The following POMGNT2 variants were observed in gnomAD, a reference collection of about 807,000 sequenced individuals.
POMGNT2 encodes protein O-linked mannose N-acetylglucosaminyltransferase 2 (beta 1,4-), also known as protein O-linked-mannose beta-1,4-N-acetylglucosaminyltransferase 2.
A neutral mutation model predicts 37.8 loss-of-function variants in POMGNT2; 32 were observed. The ratio of observed to expected loss-of-function variants is 0.85; its 90% CI spans 0.64 to 1.14. The LOEUF is 1.14. Among genes scored for constraint, POMGNT2 ranks in the 50% most tolerant of loss-of-function variants. The pLI, the probability that POMGNT2 is intolerant of heterozygous loss-of-function variation, is 0.00. For missense variants in POMGNT2, 705 were observed against 780.6 expected, an observed-to-expected ratio of 0.90 and a Z score of 1.15; for synonymous variants, 340 against 336.8, an observed-to-expected ratio of 1.01 and a Z score of -0.10.
intron 1 of POMGNT2, among the ~76,000 whole-genome samples, chr3:43,090,050 G>C (rs2089929799): frequency 6.6e-6 from 1 of 152,120 alleles, no homozygotes; most frequent in East Asian, 1.9e-4. Context: ...TCATCTCTAG[G>C]GGAGTGTCCC....
chr3:43,092,724 A>C (rs1181163589), intron 1 of POMGNT2, among the ~76,000 whole-genome samples: 1 of 152,232 alleles, frequency 6.6e-6, no homozygotes, highest in Non-Finnish European at 1.5e-5. Flanking sequence ...ACTGTGGAAG[A>C]TGGTGGAGTT....
chr3:43,085,157 T>C (rs1011830657), intron 1 of POMGNT2, among the ~76,000 whole-genome samples: 2 of 152,088 alleles, frequency 1.3e-5, no homozygotes, highest in Admixed American at 1.3e-4. Context: ...AATGACACCC[T>C]GGGGTGTGGA....
At chr3:43,091,343 G>C (rs2089941501) in intron 1 of POMGNT2, among the ~76,000 whole-genome samples, 1 of 151,998 alleles carries the variant, frequency 6.6e-6, no homozygotes, top group Non-Finnish European at 1.5e-5. Context: ...CTAAATCTTG[G>C]ATAATTTTAG....
At chr3:43,091,406 C>T (rs984779594) in intron 1 of POMGNT2, among the ~76,000 whole-genome samples, 7 of 152,048 alleles carry the variant, frequency 4.6e-5, no homozygotes, top group Non-Finnish European at 1.0e-4. Flanking sequence ...AATAAAATAT[C>T]CATGAGTCAA....
chr3:43,100,737 C>T (rs1043187836), intron 1 of POMGNT2, among the ~76,000 whole-genome samples: 12 of 152,148 alleles, frequency 7.9e-5, no homozygotes, highest in Non-Finnish European at 1.2e-4. Flanking sequence ...TAGTCCCTTC[C>T]GATCTGGGGT....
chr3:43,085,660 A>C (rs1241427381), intron 1 of POMGNT2, among the ~76,000 whole-genome samples: 1 of 152,140 alleles, frequency 6.6e-6, no homozygotes, highest in Non-Finnish European at 1.5e-5. Flanking sequence ...CTTTATCGGC[A>C]TGAAAACGGA....
In POMGNT2 at chr3:43,080,259, T is replaced by C. The variant is rs1183137342; in HGVS notation, c.1173A>G (p.Val391=). 1.9e-6 allele frequency: 3 copies of C among 1,614,174 alleles called. No homozygotes were observed. The highest frequency in any genetic ancestry group is 2.5e-6 in the Non-Finnish European group (3 of 1,180,018). Residue 391 remains valine, a synonymous_variant, in exon 2 of 2, where the codon GTA becomes GTG. Coordinates refer to ENST00000344697, the MANE Select transcript of POMGNT2 (RefSeq NM_032806.6). ...AMLPGMDLQY[V]AWRNMMPENT... is the part of the protein sequence containing the mutation. ...TCTCTGGCATCATGTTCCGCCAGGC[T>C]ACATACTGGAGGTCCATGCCAGGCA...
At chr3:43,086,994 C>G (rs1353875719) in intron 1 of POMGNT2, among the ~76,000 whole-genome samples, 2 of 152,078 alleles carry the variant, frequency 1.3e-5, no homozygotes, top group African/African-American at 2.4e-5. Context: ...TTAAAAGAGA[C>G]AGAAAAGGAC....
rs760916035 is a variant in POMGNT2 at position 43,081,023 on chromosome 3, C to A, written c.409G>T (p.Ala137Ser). ...TTGGGCATGAAGCGCAGGGCAGCAG[C>A]AGGCAGCTCCACGAAGTTGAAGTAC... ...TQYFNFVELP[A>S]AALRFMPKPV... is the part of the protein sequence containing the mutation. Residue 137 changes from alanine (A) to serine (S), a missense_variant, in exon 2 of 2, where the codon GCT becomes TCT. By Grantham distance (99) the Ala-to-Ser change is moderately conservative. Coordinates refer to ENST00000344697, the MANE Select transcript of POMGNT2 (RefSeq NM_032806.6). 74 of 1,614,214 alleles carry A rather than the reference C, an allele frequency of 4.6e-5. No homozygotes were observed. The South Asian group carries it at 5.2e-4, about 11-fold the overall frequency.
Position 43,089,279 on chromosome 3 carries a change from G to A in POMGNT2, c.-105-7743C>T, listed in dbSNP as rs563838382. ...CTGAGGAGCAAACAAGTCCTCTGGC[G>A]TGGCTGTTTCCTGGAGCTTTCAGAG... On this transcript the variant is annotated intron_variant, in intron 1 of 1. Transcript: ENST00000344697. Among the ~76,000 whole-genome samples, 10 of 152,308 alleles carry A rather than the reference G, an allele frequency of 6.6e-5. No homozygotes were observed. In the South Asian group the frequency reaches 1.7e-3, roughly 25 times the overall value.
chr3:43,080,394 C>T lies in POMGNT2; in HGVS notation c.1038G>A (p.Gly346=), dbSNP rs753788499. 1.9e-6 allele frequency: 3 copies of T among 1,614,060 alleles called. No individual in the cohort carries two copies. The highest frequency in any genetic ancestry group is 2.2e-5 in the South Asian group (2 of 91,080). ...SNASMLVSMH[G]AQLVTTLFLP... is the part of the protein sequence containing the mutation. ...GGAAGAGGGTGGTGACCAGCTGGGC[C>T]CCATGCATGCTGACCAGCATGGAGG... The change falls in exon 2 of 2, where the codon GGG becomes GGA. Residue 346 remains glycine, a synonymous_variant. Transcript: ENST00000344697.
rs764192359 is a variant in POMGNT2 at position 43,080,137 on chromosome 3, G to A, written c.1295C>T (p.Pro432Leu). The A allele has an allele frequency of 9.3e-6, 15 of 1,613,942 alleles. No individual in the cohort carries two copies. Among genetic ancestry groups the A allele is most frequent in the Non-Finnish European group, 1.1e-5 (13 of 1,179,986 alleles). Residue 432 changes from proline (P) to leucine (L), a missense_variant, in exon 2 of 2, where the codon CCA (proline) becomes CTA (leucine). Physicochemically the swap from Pro to Leu is moderately conservative, Grantham distance 98 (BLOSUM62 -3). Coordinates refer to ENST00000344697, the MANE Select transcript of POMGNT2 (RefSeq NM_032806.6). Reference sequence around the variant, plus strand: ...GGGGTTCCGGCAACAGAGATGCCGTGGGACCTCACGGCTTTGCAGGATACG... The same window carrying A: ...GGGGTTCCGGCAACAGAGATGCCGTAGGACCTCACGGCTTTGCAGGATACG... ...QARILQSREV[P>L]RHLCCRNPEW... is the part of the protein sequence containing the mutation.
intron 1 of POMGNT2, among the ~76,000 whole-genome samples, chr3:43,083,986 C>A (rs917795224): frequency 1.8e-4 from 28 of 152,152 alleles, no homozygotes; most frequent in African/African-American, 6.5e-4. Context: ...GATATTTTCA[C>A]TGCGTATAGA....
rs2089849485 is a variant in POMGNT2, at chr3:43,081,042, G to C, written c.390C>G (p.Phe130Leu). The change falls in exon 2 of 2, where the codon TTC becomes TTG. Residue 130 changes from phenylalanine to leucine, a missense_variant. By Grantham distance (22) the Phe-to-Leu change is conservative (BLOSUM62 0). Coordinates refer to ENST00000344697, the MANE Select transcript of POMGNT2 (RefSeq NM_032806.6). ...STVEDHNTQY[F>L]NFVELPAAAL... is the part of the protein sequence containing the mutation. ...CAGCAGCAGGCAGCTCCACGAAGTT[G>C]AAGTACTGAGTGTTGTGGTCCTCCA... 4 of 1,614,132 alleles carry C rather than the reference G, an allele frequency of 2.5e-6. No individual in the cohort carries two copies. Among genetic ancestry groups the C allele is most frequent in the Non-Finnish European group, 3.4e-6 (4 of 1,180,060 alleles).
chr3:43,105,269 C>A (rs528663744), intron 1 of POMGNT2, among the ~76,000 whole-genome samples: 45 of 152,344 alleles, frequency 3.0e-4, no homozygotes, highest in African/African-American at 1.1e-3. Flanking sequence ...AGAGGCTACT[C>A]TGGCACTGCC....
chr3:43,096,463 T>C (rs902626483), intron 1 of POMGNT2, among the ~76,000 whole-genome samples: 1 of 152,184 alleles, frequency 6.6e-6, no homozygotes, highest in African/African-American at 2.4e-5. Flanking sequence ...ATTTTATAGA[T>C]TGGGACACAG....
intron 1 of POMGNT2, among the ~76,000 whole-genome samples, chr3:43,092,397 A>C (rs569582653): frequency 6.6e-6 from 1 of 152,314 alleles, no homozygotes; most frequent in Admixed American, 6.5e-5. Flanking sequence ...TCCTGGGCTC[A>C]GGCGATCCTC....
intron 1 of POMGNT2, chr3:43,090,476 G>A (rs1397158646): frequency 6.6e-6 from 1 of 152,142 alleles, no homozygotes; most frequent in Non-Finnish European, 1.5e-5. Context: ...CCTGCCATAA[G>A]AACCAACTAA....
In POMGNT2 at chr3:43,106,063, C is replaced by A. The variant is rs531015056; in HGVS notation, c.-333G>T. The A allele has an allele frequency of 6.6e-6, 1 of 151,810 alleles. No homozygotes were observed. Among genetic ancestry groups the A allele is most frequent in the African/African-American group, 2.4e-5 (1 of 41,482 alleles). The allele number at this position is 151,810 out of a possible 1,614,324, so 9.4% of individuals were successfully genotyped here. On this transcript the variant is annotated 5_prime_UTR_variant, in exon 1 of 2. Transcript: ENST00000344697. ...CGTGCGCCTGCCCGGCGGGCGAGCC[C>A]GGCGCGGAGCCTGTGCGCCTGCGCA...
Sources: gnomAD v4.1 joint callset for allele counts (sites outside exome capture counted in the v4.1 genomes callset) on GRCh38, gnomAD v4.1.1 for gene constraint, MANE v1.5 for transcripts, NCBI Gene and HGNC (gene_info 2026-07-23, HGNC 2026-07-21) for gene names.